The following IL1RAP variants were observed in gnomAD, a reference collection of about 807,000 sequenced individuals.
The protein encoded by IL1RAP is interleukin-1 receptor accessory protein.
A neutral mutation model predicts 60.7 loss-of-function variants in IL1RAP; 35 were observed. That is an observed-to-expected ratio of 0.58 (90% CI 0.44 to 0.76). The LOEUF (loss-of-function observed/expected upper bound fraction) is 0.76, where lower values mean the gene tolerates loss of function less well. Ranked by LOEUF, IL1RAP falls within the 30% of genes least tolerant of loss-of-function variation. The pLI, the probability that IL1RAP is intolerant of heterozygous loss-of-function variation, is 0.00. For synonymous variants in IL1RAP, 268 were observed against 250.9 expected (o/e 1.07, Z -0.64); for missense variants, 572 against 693.9 (o/e 0.82, Z 1.97).
chr3:190,577,894 G>A (rs932760240), intron 3 of IL1RAP, among the ~76,000 whole-genome samples: 1 of 152,048 alleles, frequency 6.6e-6, no homozygotes, highest in African/African-American at 2.4e-5. Context: ...AATTATGTTT[G>A]GGTTTATTTC....
chr3:190,634,605 G>A (rs930267381), intron 9 of IL1RAP, among the ~76,000 whole-genome samples: 2 of 152,028 alleles, frequency 1.3e-5, no homozygotes, highest in African/African-American at 4.8e-5. Context: ...TACATGAGCT[G>A]GGTAATGTTC....
At chr3:190,586,507 C>T (rs1050746067) in intron 3 of IL1RAP, among the ~76,000 whole-genome samples, 2 of 152,098 alleles carry the variant, frequency 1.3e-5, no homozygotes, top group Admixed American at 6.5e-5. Flanking sequence ...CCCTATTGGC[C>T]GTGATTATGC....
intron 7 of IL1RAP, 103 bp from the exon 8 acceptor site, chr3:190,627,220 A>G (rs1337522913): frequency 3.2e-6 from 3 of 943,122 alleles, no homozygotes; most frequent in African/African-American, 1.7e-5. Flanking sequence ...AGCCATGTGA[A>G]GGATAAACAC....
intron 3 of IL1RAP, among the ~76,000 whole-genome samples, chr3:190,583,135 C>T (rs1286771587): frequency 2.6e-5 from 4 of 152,162 alleles, no homozygotes; most frequent in Non-Finnish European, 4.4e-5. Context: ...ATAATCACTC[C>T]AATAGCAATT....
At chr3:190,654,195 C>CACACACAG (rs1289837298), downstream of IL1RAP, among the ~76,000 whole-genome samples, 1 of 137,564 alleles carries the variant, frequency 7.3e-6, no homozygotes, top group Non-Finnish European at 1.5e-5. Flanking sequence ...TCATATCACA[C>CACACACAG]ACACACACAC....
At chr3:190,655,949 G>A, downstream of IL1RAP, 1 of 1,537,328 alleles carries the variant, frequency 6.5e-7, no homozygotes, top group East Asian at 2.4e-5. Context: ...GTTGTTCTGA[G>A]CCCTGACTAT....
At chr3:190,610,346 A>C (rs1426893221) in intron 5 of IL1RAP, among the ~76,000 whole-genome samples, 1 of 152,084 alleles carries the variant, frequency 6.6e-6, no homozygotes, top group African/African-American at 2.4e-5. Flanking sequence ...AAGAATAATA[A>C]GAATTAGAAA....
intron 4 of IL1RAP, among the ~76,000 whole-genome samples, chr3:190,608,256 G>A (rs1730520251): frequency 6.6e-6 from 1 of 152,118 alleles, no homozygotes; most frequent in South Asian, 2.1e-4. Flanking sequence ...TAGGCTATAT[G>A]GTATAGTCTG....
At chr3:190,536,242 G>A (rs1723450269) in intron 1 of IL1RAP, among the ~76,000 whole-genome samples, 1 of 152,026 alleles carries the variant, frequency 6.6e-6, no homozygotes, top group African/African-American at 2.4e-5. Flanking sequence ...AGATAACCAA[G>A]TTGTTATCTG....
rs1479506859 is a variant in IL1RAP, at chr3:190,645,860, G to T, written c.1345+18G>T. Reference sequence around the variant, plus strand: ...TGGGGGAAGTAGGTATTTCAGAGGAGTACAAATGATGCTACCTTGAAAGGC... The same window carrying T: ...TGGGGGAAGTAGGTATTTCAGAGGATTACAAATGATGCTACCTTGAAAGGC... On this transcript the variant is annotated intron_variant, in intron 11 of 11. Coordinates refer to ENST00000447382, the MANE Select transcript of IL1RAP (RefSeq NM_002182.4). 2.5e-6 allele frequency: 4 copies of T among 1,601,732 alleles called. No individual in the cohort carries two copies. The highest frequency in any genetic ancestry group is 3.4e-6 in the Non-Finnish European group (4 of 1,172,654).
chr3:190,640,399 T>G (rs1398415278), intron 9 of IL1RAP, among the ~76,000 whole-genome samples: 1 of 152,220 alleles, frequency 6.6e-6, no homozygotes, highest in Non-Finnish European at 1.5e-5. Context: ...GTGCACATGT[T>G]TTAACACACT....
At chr3:190,613,664 C>A (rs998909320) in intron 5 of IL1RAP, among the ~76,000 whole-genome samples, 3 of 152,102 alleles carry the variant, frequency 2.0e-5, no homozygotes, top group Non-Finnish European at 4.4e-5. Context: ...AAACCCCCAT[C>A]TCTACTAAAA....
chr3:190,589,995 A>T (rs909462106), intron 3 of IL1RAP, among the ~76,000 whole-genome samples: 1 of 152,148 alleles, frequency 6.6e-6, no homozygotes, highest in Admixed American at 6.5e-5. Flanking sequence ...AAAATCAAAC[A>T]CACATAATAA....
chr3:190,584,680 C>T (rs73886493), intron 3 of IL1RAP, among the ~76,000 whole-genome samples: 1,602 of 152,208 alleles, frequency 0.011, 29 homozygotes, highest in African/African-American at 0.035. Context: ...AATATTTTGT[C>T]CCTTTTTAAT....
At chr3:190,577,571 A>G (rs1467717892) in intron 3 of IL1RAP, among the ~76,000 whole-genome samples, 3 of 152,184 alleles carry the variant, frequency 2.0e-5, no homozygotes, top group Non-Finnish European at 4.4e-5. Flanking sequence ...TCCCCCCTGC[A>G]GGATCTTGCT....
chr3:190,552,660 T>G (rs1409758890), intron 1 of IL1RAP, among the ~76,000 whole-genome samples: 1 of 152,130 alleles, frequency 6.6e-6, no homozygotes, highest in Non-Finnish European at 1.5e-5. Context: ...ACAAGATCCT[T>G]CATTTGGCAA....
downstream of IL1RAP, among the ~76,000 whole-genome samples, chr3:190,655,174 A>AATTCCT (rs1734572767): frequency 6.6e-6 from 1 of 152,192 alleles, no homozygotes; most frequent in Admixed American, 6.5e-5. Flanking sequence ...AGGAGGTGAT[A>AATTCCT]ATTCCTGTTG....
At chr3:190,521,916 GA>G (rs1332918337) in intron 1 of IL1RAP, among the ~76,000 whole-genome samples, 1 of 150,974 alleles carries the variant, frequency 6.6e-6, no homozygotes, top group Non-Finnish European at 1.5e-5. Context: ...AAATAAAGGA[GA>G]AAATATTTTG....
At chr3:190,594,064 A>C (rs761380227) in intron 3 of IL1RAP, among the ~76,000 whole-genome samples, 10 of 152,230 alleles carry the variant, frequency 6.6e-5, no homozygotes, top group Non-Finnish European at 1.5e-4. Flanking sequence ...ATCAGTGAAG[A>C]CAATGATCAG....
Sources: allele counts gnomAD v4.1 joint callset (sites outside exome capture counted in the v4.1 genomes callset), GRCh38; gene constraint gnomAD v4.1.1; transcripts MANE v1.5; gene names NCBI Gene and HGNC (gene_info 2026-07-23, HGNC 2026-07-21).